CUL9: variants seen among roughly 807,000 people sequenced by gnomAD.
CUL9 encodes cullin 9.
Under a neutral mutation model 272.6 loss-of-function variants are expected in CUL9, and 79 were observed. The ratio of observed to expected loss-of-function variants is 0.29; its 90% CI spans 0.24 to 0.35. CUL9 has a LOEUF of 0.35. Ranked by LOEUF, CUL9 falls within the 10% of genes least tolerant of loss-of-function variation. The pLI, the probability that CUL9 is intolerant of heterozygous loss-of-function variation, is 1.00. For missense variants in CUL9, 2,532 were observed against 3,255.6 expected (o/e 0.78, Z 5.41); for synonymous variants, 1,186 against 1,286.5 (o/e 0.92, Z 1.67).
rs781235811 is a variant in CUL9, at chr6:43,204,781, C to T, written c.4373C>T (p.Pro1458Leu). The T allele has an allele frequency of 4.3e-6, 7 of 1,614,104 alleles. No homozygotes were observed. The highest frequency in any genetic ancestry group is 4.0e-5 in the African/African-American group (3 of 74,940). Residue 1458 changes from proline (P) to leucine (L), a missense_variant, in exon 22 of 41, where the codon CCG becomes CTG. Physicochemically the swap from Pro to Leu is moderately conservative, Grantham distance 98. This residue lies in a region of CUL9 where 2,218 missense variants were observed against 2,788.6 expected (regional missense o/e 0.80). Transcript: ENST00000252050. ...AACAGCAAGGGTCGGGACCGGAGCC[C>T]GGCGCCTTCGCCAGTGCTTCCAAGC... ...SKNSKGRDRS[P>L]APSPVLPSSS...
rs928386864 is a variant in CUL9 at position 43,196,687 on chromosome 6, A to C, written c.2628A>C (p.Leu876=). The C allele has an allele frequency of 7.4e-6, 12 of 1,614,062 alleles. No homozygotes were observed. The highest frequency in any genetic ancestry group is 9.3e-6 in the Non-Finnish European group (11 of 1,180,000). ...GAAATGGCTTACTCCTGCTCAACCTACTTTTGTGCAACCACCACACTCTGG... is the reference window on the plus strand; with the variant it reads ...GAAATGGCTTACTCCTGCTCAACCTCCTTTTGTGCAACCACCACACTCTGG... ...AARNGLLLLN[L]LLCNHHTLGD... The change falls in exon 11 of 41, where the codon CTA becomes CTC. Residue 876 remains leucine (L), a synonymous_variant. Transcript: ENST00000252050.
intron 10 of CUL9, 88 bp from the exon 11 acceptor site, chr6:43,196,557 C>T (rs1774012067): frequency 1.6e-6 from 2 of 1,237,926 alleles, no homozygotes; most frequent in African/African-American, 1.5e-5. Flanking sequence ...CCTTTGCTCC[C>T]TAGCTGCCCG....
At position 43,193,065 on chromosome 6, in the gene CUL9, G is replaced by A. The variant is rs376469889; in HGVS notation, c.2245G>A (p.Val749Met). 9 of 1,614,108 alleles carry A rather than the reference G, an allele frequency of 5.6e-6. No homozygotes were observed. The highest frequency in any genetic ancestry group is 1.3e-5 in the African/African-American group (1 of 74,946). The stretch of plus-strand genomic sequence containing the variant: ...CCAGGTGGGAGAGAAGATGGTGGTC[G>A]TGCAGGCCCTGCGCCTCCTTTACCT... ...TNQVGEKMVV[V>M]QALRLLYLLM... is the part of the protein sequence containing the mutation. The change falls in exon 9 of 41, where the codon GTG becomes ATG. Residue 749 changes from valine (V) to methionine (M), a missense_variant. Val to Met is a conservative substitution (Grantham distance 21, BLOSUM62 1). Coordinates refer to ENST00000252050, the MANE Select transcript of CUL9 (RefSeq NM_015089.4).
At position 43,184,936 on chromosome 6, in the gene CUL9, A is replaced by G; in HGVS notation, c.595+31A>G. 2 of 1,500,842 alleles carry G rather than the reference A, an allele frequency of 1.3e-6. No homozygotes were observed. Among genetic ancestry groups the G allele is most frequent in the South Asian group, 2.3e-5 (2 of 85,346 alleles). 93.0% of individuals were successfully genotyped at this position (1,500,842 alleles called of 1,614,324 possible). A position where few individuals can be genotyped will look rare whatever the true frequency, so the allele number is the denominator to read the frequency against. On this transcript the variant is annotated intron_variant, in intron 2 of 40. Coordinates refer to ENST00000252050, the MANE Select transcript of CUL9 (RefSeq NM_015089.4). The surrounding 1 kb of genome is among the most constrained non-coding windows in gnomAD (Gnocchi z 4.8). ...AGACAGCCAGGGAAGAAGGAAAGGA[A>G]TGGAGAAAATGGGGCCACAGGGAAT... is the stretch of plus-strand genomic sequence containing the variant.
At chr6:43,188,449 G>T in intron 7 of CUL9, 74 bp from the exon 8 acceptor site, 1 of 1,392,732 alleles carries the variant, frequency 7.2e-7, no homozygotes, top group South Asian at 1.4e-5. Flanking sequence ...AGGATAACTG[G>T]GCTTGACTTT....
Position 43,186,378 on chromosome 6 carries a change from C to A in CUL9, c.1174C>A (p.Leu392Met). ...GCAGCCAGGGATGCGAGTGCGGATG[C>A]TGGATGATTATGAGGAGATCAGTGC... The part of the protein sequence containing the change: ...TLQPGMRVRM[L>M]DDYEEISAGD... The change falls in exon 4 of 41, where the codon CTG becomes ATG. Residue 392 changes from leucine (L) to methionine (M), a missense_variant. Physicochemically the swap from Leu to Met is conservative, Grantham distance 15 (BLOSUM62 2). Around this residue, in one of 3 missense-constraint regions of CUL9, gnomAD observed 2,218 missense variants for 2,788.6 expected, o/e 0.80. Coordinates refer to ENST00000252050, the MANE Select transcript of CUL9 (RefSeq NM_015089.4). 6.2e-7 allele frequency: 1 copy of A among 1,614,014 alleles called. No homozygotes were observed. The highest frequency in any genetic ancestry group is 8.5e-7 in the Non-Finnish European group (1 of 1,179,924).
chr6:43,221,283 C>T lies in CUL9; in HGVS notation c.6714C>T (p.Ser2238=), dbSNP rs1776341040. Residue 2238 remains serine (S), a synonymous_variant, in exon 34 of 41, where the codon AGC becomes AGT. Coordinates refer to ENST00000252050, the MANE Select transcript of CUL9 (RefSeq NM_015089.4). This position sits in a 1 kb window ranked among gnomAD's most constrained non-coding sequence, Gnocchi z 4.2. Reference sequence around the variant, plus strand: ...AGCTCATCTCCAAGCGCTGTCCCAGCTGTCAGGCTCCCATCGAGAAGAACG... The same window carrying T: ...AGCTCATCTCCAAGCGCTGTCCCAGTTGTCAGGCTCCCATCGAGAAGAACG... ...LAKLISKRCP[S]CQAPIEKNEG... 1.2e-6 allele frequency: 2 copies of T among 1,609,802 alleles called. No individual in the cohort carries two copies. Among genetic ancestry groups the T allele is most frequent in the Admixed American group, 1.7e-5 (1 of 59,788 alleles).
At position 43,221,223 on chromosome 6, in the gene CUL9, C is replaced by A; in HGVS notation, c.6654C>A (p.Gly2218=). The part of the protein sequence containing the change: ...QWVDDGGYYD[G]MSVEAQSKHL... ...TCGACGACGGTGGCTACTATGACGGCATGAGCGTGGAGGCGCAGAGCAAGC... is the reference window on the plus strand; with the variant it reads ...TCGACGACGGTGGCTACTATGACGGAATGAGCGTGGAGGCGCAGAGCAAGC... The change falls in exon 34 of 41, where the codon GGC becomes GGA. Residue 2218 remains glycine, a synonymous_variant. Transcript: ENST00000252050. This position sits in a 1 kb window ranked among gnomAD's most constrained non-coding sequence, Gnocchi z 4.2. 1 of 1,611,808 alleles carries A rather than the reference C, an allele frequency of 6.2e-7. No homozygotes were observed. The highest frequency in any genetic ancestry group is 8.5e-7 in the Non-Finnish European group (1 of 1,179,988).
Position 43,224,295 on chromosome 6 carries a change from C to T in CUL9, c.7404C>T (p.Asp2468=). The T allele has an allele frequency of 8.7e-6, 14 of 1,614,168 alleles. No homozygotes were observed. The highest frequency in any genetic ancestry group is 1.1e-5 in the South Asian group (1 of 91,078). ...SGPEAEEEEE[D]DEDDVPEWQQ... is the part of the protein sequence containing the mutation. ...CAGAGGCAGAAGAGGAGGAGGAAGA[C>T]GATGAGGATGATGTGCCCGAGTGGC... Residue 2468 remains aspartate (D), a synonymous_variant, in exon 41 of 41, where the codon GAC becomes GAT. Coordinates refer to ENST00000252050, the MANE Select transcript of CUL9 (RefSeq NM_015089.4). This position sits in a 1 kb window ranked among gnomAD's most constrained non-coding sequence, Gnocchi z 4.2.
rs772547050 is a variant in CUL9 at position 43,184,362 on chromosome 6, C to T, written c.52C>T (p.Leu18=). 6.9e-6 allele frequency: 11 copies of T among 1,593,852 alleles called. No homozygotes were observed. Among genetic ancestry groups the T allele is most frequent in the Admixed American group, 6.8e-5 (4 of 58,660 alleles). The change falls in exon 2 of 41, where the codon CTG becomes TTG. Residue 18 remains leucine, a synonymous_variant. Transcript: ENST00000252050. The surrounding 1 kb of genome is among the most constrained non-coding windows in gnomAD (Gnocchi z 4.8). ...GDLMVPLGPR[L]QAYPEELIRQ... is the part of the protein sequence containing the mutation. ...CCTCATGGTGCCCTTAGGGCCTCGGCTGCAGGCATATCCTGAAGAACTCAT... is the reference window on the plus strand; with the variant it reads ...CCTCATGGTGCCCTTAGGGCCTCGGTTGCAGGCATATCCTGAAGAACTCAT...
intron 26 of CUL9, among the ~76,000 whole-genome samples, chr6:43,208,763 A>C (rs372084053): frequency 6.6e-6 from 1 of 152,162 alleles, no homozygotes; most frequent in Non-Finnish European, 1.5e-5. Context: ...AATCTTTTGC[A>C]TACCTTTTTT....
At chr6:43,191,311 G>T (rs74401985) in intron 8 of CUL9, among the ~76,000 whole-genome samples, 14,016 of 110,748 alleles carry the variant, frequency 0.13, 757 homozygotes, top group African/African-American at 0.17. Context: ...TTTTTTTTTT[G>T]TTTGTTTTTT....
intron 31 of CUL9, 90 bp downstream of exon 31, chr6:43,216,593 T>G: frequency 8.2e-7 from 1 of 1,215,458 alleles, no homozygotes; most frequent in Non-Finnish European, 1.2e-6. Context: ...AGCCCAGCAC[T>G]GCCATTTTCA....
Sources: allele counts gnomAD v4.1 joint callset (sites outside exome capture counted in the v4.1 genomes callset), GRCh38; gene constraint gnomAD v4.1.1; regional missense constraint gnomAD v4.1.1; non-coding constraint Gnocchi (gnomAD v3.1); transcripts MANE v1.5; gene names NCBI Gene and HGNC (gene_info 2026-07-23, HGNC 2026-07-21).